LRRC20: variants seen among roughly 807,000 people sequenced by gnomAD.
LRRC20 encodes leucine-rich repeat-containing protein 20.
A neutral mutation model predicts 14.4 loss-of-function variants in LRRC20; 11 were observed. The ratio of observed to expected loss-of-function variants is 0.77; its 90% CI spans 0.48 to 1.27. The LOEUF (loss-of-function observed/expected upper bound fraction) is 1.27, where lower values mean the gene tolerates loss of function less well. LRRC20 is among the 50% of genes most tolerant of loss of function. The pLI is 0.00. For synonymous variants in LRRC20, 121 were observed against 107.3 expected (o/e 1.13, Z -0.79); for missense variants, 219 against 251.2 (o/e 0.87, Z 0.87).
At chr10:70,372,094 G>A (rs1382571207) in intron 2 of LRRC20, among the ~76,000 whole-genome samples, 1 of 149,966 alleles carries the variant, frequency 6.7e-6, no homozygotes, top group African/African-American at 2.5e-5. Flanking sequence ...AGCAGGACGG[G>A]AAAAGCCAGG....
chr10:70,355,754 C>T (rs139197804), intron 2 of LRRC20, among the ~76,000 whole-genome samples: 20 of 152,272 alleles, frequency 1.3e-4, no homozygotes, highest in South Asian at 6.2e-4. Context: ...TTTCCTCAAA[C>T]GCCCAAAAAC....
chr10:70,304,469 T>TA (rs1841328837), intron 4 of LRRC20, among the ~76,000 whole-genome samples: 3 of 73,534 alleles, frequency 4.1e-5, no homozygotes, highest in Non-Finnish European at 5.1e-5. Flanking sequence ...AGGCCACTTC[T>TA]TTATATATAT....
At chr10:70,358,020 A>G (rs1487695310) in intron 2 of LRRC20, among the ~76,000 whole-genome samples, 1 of 152,246 alleles carries the variant, frequency 6.6e-6, no homozygotes. Flanking sequence ...AAAAGCCCAG[A>G]GAAGTTAAGA....
At chr10:70,339,785 A>C (rs890073642) in intron 3 of LRRC20, among the ~76,000 whole-genome samples, 2 of 152,164 alleles carry the variant, frequency 1.3e-5, no homozygotes, top group African/African-American at 4.8e-5. Flanking sequence ...CCTTGATGGC[A>C]AGCACCTACA....
At chr10:70,323,394 C>T (rs1046192492) in intron 4 of LRRC20, among the ~76,000 whole-genome samples, 2 of 152,150 alleles carry the variant, frequency 1.3e-5, no homozygotes, top group Non-Finnish European at 2.9e-5. Flanking sequence ...GCAGGCTGGG[C>T]TGACAGGGAG....
intron 2 of LRRC20, among the ~76,000 whole-genome samples, chr10:70,355,380 GT>G (rs1843480238): frequency 6.6e-6 from 1 of 152,122 alleles, no homozygotes; most frequent in Non-Finnish European, 1.5e-5. Flanking sequence ...CTAGAGCAAT[GT>G]TTCTGAGCCT....
At chr10:70,379,858 A>G (rs1429361297) in intron 1 of LRRC20, among the ~76,000 whole-genome samples, 3 of 152,170 alleles carry the variant, frequency 2.0e-5, no homozygotes, top group African/African-American at 7.2e-5. Context: ...TGGGAGAGGA[A>G]TGAAACTATT....
rs28377683 is a variant in LRRC20, at chr10:70,353,008, C to T, written c.83-12306G>A. ...CAATCCTCATGGTTCTGGCTGCTCC[C>T]GTGAGAGGAGCAGGACCAACCTAGC... On this transcript the variant is annotated intron_variant, in intron 2 of 4. Transcript: ENST00000446961. Among the ~76,000 whole-genome samples the T allele has an allele frequency of 1.8e-3, 279 of 152,228 alleles. 1 individual carries two copies. The highest frequency in any genetic ancestry group is 6.2e-3 in the African/African-American group (259 of 41,550).
In LRRC20 at chr10:70,351,628, C is replaced by T. The variant is rs144009223; in HGVS notation, c.83-10926G>A. On this transcript the variant is annotated intron_variant, in intron 2 of 4. Coordinates refer to ENST00000446961, the MANE Select transcript of LRRC20 (RefSeq NM_001278212.2). ...TAAAATACACATAACAAAAATTTAGCGAGCGATATGACCAAGTTTTACGGG... is the reference window on the plus strand; with the variant it reads ...TAAAATACACATAACAAAAATTTAGTGAGCGATATGACCAAGTTTTACGGG... Among the ~76,000 whole-genome samples the T allele has an allele frequency of 5.9e-5, 9 of 152,228 alleles. No individual in the cohort carries two copies. The South Asian group carries it at 1.0e-3, about 18-fold the overall frequency.
intron 1 of LRRC20, among the ~76,000 whole-genome samples, chr10:70,380,651 T>C (rs1483320291): frequency 6.6e-6 from 1 of 152,158 alleles, no homozygotes; most frequent in Non-Finnish European, 1.5e-5. Context: ...GGGAAAGCAC[T>C]CCAAATCCCA....
chr10:70,377,977 T>C (rs1038923494), intron 1 of LRRC20, among the ~76,000 whole-genome samples: 5 of 152,242 alleles, frequency 3.3e-5, no homozygotes, highest in Non-Finnish European at 4.4e-5. Context: ...TTAACTCCTC[T>C]GAGCCTGTTT....
chr10:70,338,315 C>G (rs1204737857), intron 3 of LRRC20, among the ~76,000 whole-genome samples: 1 of 150,502 alleles, frequency 6.6e-6, no homozygotes, highest in Non-Finnish European at 1.5e-5. Flanking sequence ...CCTGGCCTGC[C>G]CAATGCCCAC....
In LRRC20 at chr10:70,301,071, A is replaced by C; in HGVS notation, c.*283T>G. On this transcript the variant is annotated 3_prime_UTR_variant, in exon 5 of 5. Transcript: ENST00000446961. ...GGAGGGAAAGGGTCCTGTTTTTTTC[A>C]AGTGACAAGGCTCAGAGAGGGCAGG... The C allele has an allele frequency of 8.3e-7, 1 of 1,206,954 alleles. No homozygotes were observed. Among genetic ancestry groups the C allele is most frequent in the Non-Finnish European group, 1.0e-6 (1 of 970,708 alleles). The allele number at this position is 1,206,954 out of a possible 1,614,324, so 74.8% of individuals were successfully genotyped here.
intron 3 of LRRC20, among the ~76,000 whole-genome samples, chr10:70,326,641 AC>A (rs1842333611): frequency 6.6e-6 from 1 of 152,120 alleles, no homozygotes; most frequent in East Asian, 1.9e-4. Flanking sequence ...GAATAGCCAC[AC>A]CTTAAACCAC....
chr10:70,320,735 C>T (rs1029487858), intron 4 of LRRC20, among the ~76,000 whole-genome samples: 11 of 152,180 alleles, frequency 7.2e-5, no homozygotes, highest in Non-Finnish European at 1.2e-4. Flanking sequence ...GCCACACAGA[C>T]CTGAAACGTG....
chr10:70,315,598 T>G (rs892054243), intron 4 of LRRC20, among the ~76,000 whole-genome samples: 1 of 152,204 alleles, frequency 6.6e-6, no homozygotes, highest in Non-Finnish European at 1.5e-5. Context: ...TCATCAACTT[T>G]TGCTGTAGGA....
At chr10:70,369,822 T>G (rs1420817566) in intron 2 of LRRC20, among the ~76,000 whole-genome samples, 1 of 151,968 alleles carries the variant, frequency 6.6e-6, no homozygotes, top group East Asian at 1.9e-4. Context: ...ATAGAGAATC[T>G]GAATCCCAGC....
At chr10:70,338,702 C>A (rs1299604161) in intron 3 of LRRC20, among the ~76,000 whole-genome samples, 1 of 152,134 alleles carries the variant, frequency 6.6e-6, no homozygotes, top group Non-Finnish European at 1.5e-5. Flanking sequence ...GCTCTGTCAC[C>A]CAGGCTGGAG....
intron 4 of LRRC20, among the ~76,000 whole-genome samples, chr10:70,319,381 C>A (rs764247754): frequency 9.9e-5 from 15 of 152,196 alleles, no homozygotes; most frequent in Non-Finnish European, 1.6e-4. Context: ...GCCGCTGCAT[C>A]CACCTTCAAG....
Sources: allele counts gnomAD v4.1 joint callset (sites outside exome capture counted in the v4.1 genomes callset), GRCh38; gene constraint gnomAD v4.1.1; transcripts MANE v1.5; gene names NCBI Gene and HGNC (gene_info 2026-07-23, HGNC 2026-07-21).